DST: variants seen among roughly 807,000 people sequenced by gnomAD.
DST encodes dystonin.
In DST, 253 loss-of-function variants were observed where a neutral mutation model predicts 875.2. The observed-to-expected ratio is 0.29, with a 90% CI of 0.26 to 0.32. DST has a LOEUF of 0.32. DST is among the 10% of genes least tolerant of loss of function. DST has a pLI of 1.00. For missense variants in DST, 8,287 were observed against 9,111.6 expected, an observed-to-expected ratio of 0.91 and a Z score of 3.68; for synonymous variants, 3,124 against 3,197.1, an observed-to-expected ratio of 0.98 and a Z score of 0.77.
intron 47 of DST, among the ~76,000 whole-genome samples, chr6:56,596,260 C>G (rs772282270): frequency 6.6e-6 from 1 of 152,072 alleles, no homozygotes; most frequent in Admixed American, 6.6e-5. Flanking sequence ...ATCTCCTGAC[C>G]TTGTGATCCA....
chr6:56,763,069 C>T (rs1412199547), intron 4 of DST, among the ~76,000 whole-genome samples: 5 of 151,856 alleles, frequency 3.3e-5, no homozygotes, highest in Non-Finnish European at 7.4e-5. Flanking sequence ...AGGCTGGTCT[C>T]GAACTCCTGA....
Position 56,503,988 on chromosome 6 carries a change from C to G in DST, c.19566+9G>C, listed in dbSNP as rs755031041. On this transcript the variant is annotated intron_variant, in intron 78 of 103. Transcript: ENST00000680361. ...AGGGAGTCTTCGATAAATTAGCCCC[C>G]ACACATACCTTTAGCTCTTCAATCT... is the stretch of plus-strand genomic sequence containing the variant. 1 of 1,593,068 alleles carries G rather than the reference C, an allele frequency of 6.3e-7. No individual in the cohort carries two copies. The highest frequency in any genetic ancestry group is 1.7e-5 in the Admixed American group (1 of 57,196).
In DST at chr6:56,701,930, T is replaced by C. The variant is rs993119160; in HGVS notation, c.912A>G (p.Leu304=). ...REKGRMRFHR[L]QNVQIALDYL... ...AGTCAAGTGCAATTTGTACATTCTGTAGTCTGTGAAAACGCATCCGACCTT... is the reference window on the plus strand; with the variant it reads ...AGTCAAGTGCAATTTGTACATTCTGCAGTCTGTGAAAACGCATCCGACCTT... The change falls in exon 8 of 104, where the codon CTA becomes CTG. Residue 304 remains leucine, a synonymous_variant. Transcript: ENST00000680361. The C allele has an allele frequency of 6.8e-6, 11 of 1,612,214 alleles. No individual in the cohort carries two copies. Among genetic ancestry groups the C allele is most frequent in the East Asian group, 2.2e-5 (1 of 44,776 alleles).
chr6:56,679,539 G>C (rs2099146675), intron 9 of DST, among the ~76,000 whole-genome samples: 1 of 150,240 alleles, frequency 6.7e-6, no homozygotes, highest in South Asian at 2.1e-4. Flanking sequence ...AAGGCAAGAG[G>C]ATCACTTGAG....
At chr6:56,748,884 A>G (rs2099579704) in intron 4 of DST, among the ~76,000 whole-genome samples, 1 of 152,214 alleles carries the variant, frequency 6.6e-6, no homozygotes, top group Admixed American at 6.5e-5. Flanking sequence ...ACATAAGATA[A>G]ACAGATGTGA....
intron 4 of DST, among the ~76,000 whole-genome samples, chr6:56,772,807 C>T (rs1401517621): frequency 6.6e-6 from 1 of 152,170 alleles, no homozygotes; most frequent in African/African-American, 2.4e-5. Context: ...ATCCCCACCT[C>T]TGTTATGCAC....
intron 4 of DST, among the ~76,000 whole-genome samples, chr6:56,840,349 C>T (rs968754651): frequency 1.3e-5 from 2 of 152,118 alleles, no homozygotes; most frequent in Non-Finnish European, 2.9e-5. Context: ...GGATAATTTA[C>T]TATAGATATA....
chr6:56,523,525 G>C (rs1057414919), intron 69 of DST, among the ~76,000 whole-genome samples: 1 of 152,202 alleles, frequency 6.6e-6, no homozygotes. Context: ...CTGATGATTA[G>C]AAGTCAATAC....
At chr6:56,674,367 G>A (rs967805621) in intron 9 of DST, among the ~76,000 whole-genome samples, 10 of 151,456 alleles carry the variant, frequency 6.6e-5, no homozygotes, top group African/African-American at 2.2e-4. Context: ...GCACCATCTC[G>A]GCTCACTGCA....
At chr6:56,523,846 C>T (rs528574700) in intron 69 of DST, among the ~76,000 whole-genome samples, 3 of 152,164 alleles carry the variant, frequency 2.0e-5, no homozygotes, top group Non-Finnish European at 4.4e-5. Flanking sequence ...GGGCAGGGGT[C>T]TGGGGAAAGA....
chr6:56,504,275 G>T (rs560984985), intron 77 of DST, among the ~76,000 whole-genome samples, 177 bp from the exon 78 acceptor site: 19 of 152,092 alleles, frequency 1.2e-4, no homozygotes, highest in African/African-American at 4.6e-4. Flanking sequence ...TACCAAAATG[G>T]TTGTCCCAAA....
Position 56,458,884 on chromosome 6 carries a change from C to A in DST, c.*121G>T. ...AAAAAGACAAATACACAAATAAGGC[C>A]ATCTGCAGAATTTTAAACTCGCCTC... On this transcript the variant is annotated 3_prime_UTR_variant, in exon 104 of 104. Transcript: ENST00000680361. 1.9e-6 allele frequency: 2 copies of A among 1,060,770 alleles called. No homozygotes were observed. Among genetic ancestry groups the A allele is most frequent in the Non-Finnish European group, 2.6e-6 (2 of 760,162 alleles). The allele number at this position is 1,060,770 out of a possible 1,614,324, so 65.7% of individuals were successfully genotyped here. A position where few individuals can be genotyped will look rare whatever the true frequency, so the allele number is the denominator to read the frequency against.
At chr6:56,565,052 G>A (rs2097643309) in intron 55 of DST, among the ~76,000 whole-genome samples, 1 of 150,936 alleles carries the variant, frequency 6.6e-6, no homozygotes, top group African/African-American at 2.4e-5. Flanking sequence ...GCCAGGTTTT[G>A]GTATCAGAAT....
At position 56,477,458 on chromosome 6, in the gene DST, C is replaced by T; in HGVS notation, c.21562G>A (p.Ala7188Thr). 6 of 1,613,964 alleles carry T rather than the reference C, an allele frequency of 3.7e-6. No individual in the cohort carries two copies. The highest frequency in any genetic ancestry group is 2.7e-5 in the African/African-American group (2 of 75,048). The change falls in exon 91 of 104, where the codon GCT becomes ACT. Residue 7188 changes from alanine to threonine, a missense_variant. Physicochemically the swap from Ala to Thr is moderately conservative, Grantham distance 58. Transcript: ENST00000680361. ...ATAGTGGTGGCTTTATTTAGTTCAG[C>T]TCTCTTTTCTTCCAGTTTCTTCATG... is the stretch of plus-strand genomic sequence containing the variant. Reference protein sequence around the residue: ...EFMKKLEEKRAELNKATTMGD... With the variant: ...EFMKKLEEKRTELNKATTMGD...
chr6:56,916,774 T>A (rs1322308095), intron 2 of DST, among the ~76,000 whole-genome samples: 962 of 88,316 alleles, frequency 0.011, 8 homozygotes, highest in African/African-American at 0.044. Flanking sequence ...TCTCTCTCTC[T>A]CTCTCACACA....
At chr6:56,622,021 ATTT>A (rs1470569114) in intron 36 of DST, among the ~76,000 whole-genome samples, 2 of 152,096 alleles carry the variant, frequency 1.3e-5, no homozygotes, top group African/African-American at 4.8e-5. Context: ...TCAGCACTCT[ATTT>A]TCTTTATTTT....
intron 4 of DST, among the ~76,000 whole-genome samples, chr6:56,774,401 A>C (rs2099673735): frequency 6.6e-6 from 1 of 152,168 alleles, no homozygotes; most frequent in Non-Finnish European, 1.5e-5. Flanking sequence ...AAACCAAACC[A>C]AATATCACTT....
Position 56,533,998 on chromosome 6 carries a change from G to A in DST, c.16941+1124C>T, listed in dbSNP as rs569041801. On this transcript the variant is annotated intron_variant, in intron 63 of 103. Coordinates refer to ENST00000680361, the MANE Select transcript of DST (RefSeq NM_001374736.1). ...GGTGCAATTCAATGCTTTGATGTAT[G>A]TATACATTGTGGAATGATTAAATCA... is the stretch of plus-strand genomic sequence containing the variant. Among the ~76,000 whole-genome samples, 7 of 152,056 alleles carry A rather than the reference G, an allele frequency of 4.6e-5. No individual in the cohort carries two copies. In the South Asian group the frequency reaches 1.5e-3, roughly 32 times the overall value.
chr6:56,498,229 A>G (rs2095989599), intron 80 of DST, among the ~76,000 whole-genome samples, 176 bp from the exon 81 acceptor site: 1 of 152,128 alleles, frequency 6.6e-6, no homozygotes, highest in African/African-American at 2.4e-5. Flanking sequence ...GCTGCAGTGT[A>G]GTGGTTCTAT....
Sources: allele counts gnomAD v4.1 joint callset (sites outside exome capture counted in the v4.1 genomes callset), GRCh38; gene constraint gnomAD v4.1.1; transcripts MANE v1.5; gene names NCBI Gene and HGNC (gene_info 2026-07-23, HGNC 2026-07-21).